The following CLTRN variants were observed in gnomAD, a reference collection of about 807,000 sequenced individuals.
CLTRN encodes the protein collectrin, amino acid transport regulator.
CLTRN carries 12 observed loss-of-function variants against 14.5 expected under a neutral mutation model. The ratio of observed to expected loss-of-function variants is 0.83; its 90% CI spans 0.53 to 1.34. The LOEUF is 1.34. Among genes scored for constraint, CLTRN ranks in the 40% most tolerant of loss-of-function variants. The pLI, the probability that CLTRN is intolerant of heterozygous loss-of-function variation, is 0.00. For synonymous variants in CLTRN, 58 were observed against 56.5 expected (o/e 1.03, Z -0.12); for missense variants, 154 against 165.1 (o/e 0.93, Z 0.37).
intron 5 of CLTRN, among the ~76,000 whole-genome samples, chrX:15,636,193 T>C (rs1327451083): frequency 5.3e-5 from 6 of 112,556 alleles, no homozygotes; most frequent in Non-Finnish European, 7.5e-5. Flanking sequence ...AATCCCACTC[T>C]GGGTATATAC....
At chrX:15,671,459 T>C (rs1318031122) in intron 1 of CLTRN, among the ~76,000 whole-genome samples, 1 of 111,363 alleles carries the variant, frequency 9.0e-6, no homozygotes, top group African/African-American at 3.3e-5. Flanking sequence ...CAGAGGAAGA[T>C]GGGGGAGAGA....
At chrX:15,639,269 A>C (rs896349683) in intron 5 of CLTRN, among the ~76,000 whole-genome samples, 1 of 112,132 alleles carries the variant, frequency 8.9e-6, no homozygotes, top group Admixed American at 9.5e-5. Context: ...CCTTACATCT[A>C]GCTTACAAAA....
At chrX:15,675,216 G>A (rs143069705), upstream of CLTRN, among the ~76,000 whole-genome samples, 1,974 of 112,276 alleles carry the variant, frequency 0.018, 43 homozygotes, top group African/African-American at 0.06. Context: ...TTCGCGGGAC[G>A]GTCGGCCTCA....
rs972530969 is a variant in CLTRN, at chrX:15,627,533, T to C, written c.*438A>G. On this transcript the variant is annotated 3_prime_UTR_variant, in exon 6 of 6. Coordinates refer to ENST00000380342, the MANE Select transcript of CLTRN (RefSeq NM_020665.6). The stretch of plus-strand genomic sequence containing the variant: ...ATTTACAATAATTACTTCTCACTTT[T>C]GTTTACTTAGTCATATACAGAGTGA... The C allele has an allele frequency of 8.9e-6, 1 of 112,924 alleles. No homozygotes were observed. The highest frequency in any genetic ancestry group is 9.4e-5 in the Admixed American group (1 of 10,621). The allele number at this position is 112,924 out of a possible 1,213,427, so 9.3% of individuals were successfully genotyped here. A position where few individuals can be genotyped will look rare whatever the true frequency, so the allele number is the denominator to read the frequency against.
chrX:15,668,365 T>TGA (rs1489498172), upstream of CLTRN, among the ~76,000 whole-genome samples: 1 of 112,426 alleles, frequency 8.9e-6, no homozygotes, highest in Non-Finnish European at 1.9e-5. Context: ...ATGTGTCATG[T>TGA]GATACGAGCA....
At chrX:15,655,827 A>G (rs951582888) in intron 3 of CLTRN, among the ~76,000 whole-genome samples, 72 of 111,946 alleles carry the variant, frequency 6.4e-4, no homozygotes, top group East Asian at 5.6e-4. Context: ...TCCAGAAAAT[A>G]TTATGCCAGT....
At chrX:15,644,545 A>T (rs775283677) in intron 4 of CLTRN, among the ~76,000 whole-genome samples, 235 of 111,368 alleles carry the variant, frequency 2.1e-3, no homozygotes, top group Middle Eastern at 4.6e-3. Flanking sequence ...ACCTTTTTTT[A>T]AAAAAAATTA....
chrX:15,641,079 C>A (rs1383657006), intron 4 of CLTRN, among the ~76,000 whole-genome samples: 2 of 112,304 alleles, frequency 1.8e-5, no homozygotes, highest in Non-Finnish European at 3.8e-5. Context: ...AAGACTTGTT[C>A]AGCAAATTGC....
At chrX:15,650,677 C>T (rs1202400103) in intron 3 of CLTRN, among the ~76,000 whole-genome samples, 1 of 111,952 alleles carries the variant, frequency 8.9e-6, no homozygotes, top group African/African-American at 3.3e-5. Flanking sequence ...GATGTTTCTG[C>T]CCAAATATGT....
intron 3 of CLTRN, chrX:15,646,182 T>C (rs1489384925): frequency 1.1e-5 from 2 of 175,089 alleles, no homozygotes; most frequent in South Asian, 9.6e-5. Flanking sequence ...CTTCTGCAGC[T>C]GCGCGCCGCA....
At chrX:15,666,019 G>C (rs1424994743), upstream of CLTRN, among the ~76,000 whole-genome samples, 1 of 111,813 alleles carries the variant, frequency 8.9e-6, no homozygotes, top group Admixed American at 9.4e-5. Flanking sequence ...ACTGATAAGT[G>C]GGAGCTAAAC....
intron 5 of CLTRN, among the ~76,000 whole-genome samples, chrX:15,631,576 A>G (rs1354040626): frequency 8.9e-6 from 1 of 112,683 alleles, no homozygotes; most frequent in Non-Finnish European, 1.9e-5. Flanking sequence ...AGAATGGGGA[A>G]AAACTAAAAA....
At chrX:15,671,806 T>C (rs1929721200) in intron 1 of CLTRN, among the ~76,000 whole-genome samples, 1 of 109,501 alleles carries the variant, frequency 9.1e-6, no homozygotes, top group Admixed American at 9.8e-5. Flanking sequence ...ATAGAACAGA[T>C]GATGTTACAA....
chrX:15,657,269 G>A (rs749347651), intron 3 of CLTRN, among the ~76,000 whole-genome samples: 1 of 112,352 alleles, frequency 8.9e-6, no homozygotes, highest in Non-Finnish European at 1.9e-5. Context: ...CAAAGTTTTG[G>A]GATTGGAGGC....
chrX:15,643,221 A>G (rs1282613540), intron 4 of CLTRN, among the ~76,000 whole-genome samples: 1 of 112,276 alleles, frequency 8.9e-6, no homozygotes, highest in Admixed American at 9.4e-5. Flanking sequence ...ATTTTGCCCA[A>G]TCACTTAGAT....
intron 2 of CLTRN, among the ~76,000 whole-genome samples, chrX:15,661,766 G>A (rs187448395): frequency 1.4e-4 from 16 of 112,603 alleles, no homozygotes; most frequent in Middle Eastern, 4.6e-3. Flanking sequence ...CCTGTTGTGC[G>A]TATACTTGAC....
intron 3 of CLTRN, among the ~76,000 whole-genome samples, chrX:15,658,488 G>C (rs1929426037): frequency 8.9e-6 from 1 of 111,880 alleles, no homozygotes; most frequent in African/African-American, 3.2e-5. Flanking sequence ...AGAAAGACCA[G>C]GAATGTTACC....
intron 2 of CLTRN, among the ~76,000 whole-genome samples, chrX:15,659,759 T>G (rs1488002611): frequency 1.8e-5 from 2 of 111,481 alleles, no homozygotes; most frequent in Non-Finnish European, 3.8e-5. Context: ...GACAGCCATC[T>G]ACATACAGGC....
At chrX:15,674,511 G>A (rs941760451) in intron 1 of CLTRN, among the ~76,000 whole-genome samples, 4 of 112,748 alleles carry the variant, frequency 3.5e-5, no homozygotes, top group Non-Finnish European at 7.5e-5. Context: ...CTAGCTAGAA[G>A]GAACATTGCT....
Sources: allele counts gnomAD v4.1 joint callset (sites outside exome capture counted in the v4.1 genomes callset), GRCh38; gene constraint gnomAD v4.1.1; transcripts MANE v1.5; gene names NCBI Gene and HGNC (gene_info 2026-07-23, HGNC 2026-07-21).